RYR2: variants seen among roughly 807,000 people sequenced by gnomAD.
RYR2 encodes ryanodine receptor 2, also known as cardiac muscle ryanodine receptor-calcium release channel.
Under a neutral mutation model 601.1 loss-of-function variants are expected in RYR2, and 227 were observed. That is an observed-to-expected ratio of 0.38 (90% CI 0.34 to 0.42). The LOEUF (loss-of-function observed/expected upper bound fraction) is 0.42, where lower values mean the gene tolerates loss of function less well. Among genes scored for constraint, RYR2 ranks in the 10% least tolerant of loss-of-function variants. The pLI, the probability that RYR2 is intolerant of heterozygous loss-of-function variation, is 1.00. For missense variants in RYR2, 4,646 were observed against 6,156.5 expected, an observed-to-expected ratio of 0.75 and a Z score of 8.21; for synonymous variants, 2,223 against 2,175.1, an observed-to-expected ratio of 1.02 and a Z score of -0.61.
chr1:237,603,685 CA>C, intron 35 of RYR2, among the ~76,000 whole-genome samples: 2 of 152,292 alleles, frequency 1.3e-5, no homozygotes, highest in East Asian at 3.9e-4. Flanking sequence ...AGACCCATCT[CA>C]TGTGCAGAGA....
At chr1:237,101,730 C>T (rs985649985) in intron 1 of RYR2, among the ~76,000 whole-genome samples, 3 of 152,166 alleles carry the variant, frequency 2.0e-5, no homozygotes, top group South Asian at 4.1e-4. Context: ...GCAACCTCAT[C>T]GTTAGGAGAG....
Position 237,610,276 on chromosome 1 carries a change from T to G in RYR2, c.4684-486T>G, listed in dbSNP as rs184530128. Among the ~76,000 whole-genome samples, 270 of 152,336 alleles carry G rather than the reference T, an allele frequency of 1.8e-3. No individual in the cohort carries two copies. Among genetic ancestry groups the G allele is most frequent in the Middle Eastern group, 3.4e-3 (1 of 294 alleles). Reference sequence around the variant, plus strand: ...TTCTTATTCGGTAGTCAGGTTTATCTGTTGAGCTTTATCTGGAATACTTCT... The same window carrying G: ...TTCTTATTCGGTAGTCAGGTTTATCGGTTGAGCTTTATCTGGAATACTTCT... On this transcript the variant is annotated intron_variant, in intron 35 of 104. Coordinates refer to ENST00000366574, the MANE Select transcript of RYR2 (RefSeq NM_001035.3). The surrounding 1 kb of genome is among the most constrained non-coding windows in gnomAD (Gnocchi z 4.9).
chr1:237,283,279 T>G (rs1382422169), intron 2 of RYR2, among the ~76,000 whole-genome samples: 1 of 152,178 alleles, frequency 6.6e-6, no homozygotes, highest in African/African-American at 2.4e-5. Context: ...TGCTTTCTAT[T>G]TCCTTCTCTT....
chr1:237,624,104 A>C (rs1679393378), intron 39 of RYR2, among the ~76,000 whole-genome samples: 1 of 152,036 alleles, frequency 6.6e-6, no homozygotes, highest in Non-Finnish European at 1.5e-5. Context: ...AGATGACCAA[A>C]ATTCTTTCTC....
intron 6 of RYR2, among the ~76,000 whole-genome samples, chr1:237,370,836 A>G (rs938575443): frequency 1.3e-5 from 2 of 151,748 alleles, no homozygotes. Context: ...AATTTTTTGT[A>G]TTTTTAATAG....
Position 237,341,675 on chromosome 1 carries a change from C to G in RYR2, c.273+10693C>G, listed in dbSNP as rs199814211. 535 of 514,982 alleles carry G rather than the reference C, an allele frequency of 1.0e-3. 2 individuals carry two copies. In the Middle Eastern group the frequency reaches 0.016, roughly 16 times the overall value. The allele number at this position is 514,982 out of a possible 1,614,324, so 31.9% of individuals were successfully genotyped here. Reference sequence around the variant, plus strand: ...AGGAAATATTTGCTGACTGGAGGGACTGCAAGATGGAATTTATAGACCAAA... The same window carrying G: ...AGGAAATATTTGCTGACTGGAGGGAGTGCAAGATGGAATTTATAGACCAAA... On this transcript the variant is annotated intron_variant, in intron 3 of 104. Transcript: ENST00000366574.
At chr1:237,123,697 G>A (rs1671077958) in intron 1 of RYR2, among the ~76,000 whole-genome samples, 1 of 114,058 alleles carries the variant, frequency 8.8e-6, no homozygotes, top group Non-Finnish European at 1.6e-5. Context: ...GTCTCGCTCT[G>A]TCGCCCAGGC....
intron 1 of RYR2, among the ~76,000 whole-genome samples, chr1:237,242,135 C>T (rs1380778946): frequency 6.6e-6 from 1 of 152,106 alleles, no homozygotes; most frequent in Non-Finnish European, 1.5e-5. Context: ...CTGCTAGATA[C>T]ACTATAGTGA....
intron 15 of RYR2, among the ~76,000 whole-genome samples, chr1:237,454,786 A>G (rs766622732): frequency 8.5e-5 from 13 of 152,182 alleles, no homozygotes; most frequent in Non-Finnish European, 1.6e-4. Context: ...TAAAAACATG[A>G]ATCTTTTCAT....
chr1:237,802,455 A>T (rs989492518), intron 98 of RYR2: 4 of 152,188 alleles, frequency 2.6e-5, no homozygotes, highest in African/African-American at 9.7e-5. Flanking sequence ...TGACTTTTAT[A>T]GTTCACGTTA....
intron 1 of RYR2, among the ~76,000 whole-genome samples, chr1:237,123,346 G>A (rs1375866922): frequency 6.6e-6 from 1 of 152,120 alleles, no homozygotes; most frequent in African/African-American, 2.4e-5. Context: ...CAGCACTTTG[G>A]GAGGCCAAGG....
At chr1:237,318,528 CTTTG>C (rs1288730709) in intron 2 of RYR2, among the ~76,000 whole-genome samples, 1 of 152,082 alleles carries the variant, frequency 6.6e-6, no homozygotes, top group Non-Finnish European at 1.5e-5. Flanking sequence ...AATTCTCAGT[CTTTG>C]TTTATCTGCA....
At position 237,377,385 on chromosome 1, in the gene RYR2, C is replaced by T; in HGVS notation, c.526C>T (p.Arg176Ter). The T allele has an allele frequency of 1.9e-6, 3 of 1,613,512 alleles. No individual in the cohort carries two copies. The highest frequency in any genetic ancestry group is 1.7e-6 in the Non-Finnish European group (2 of 1,179,642). The part of the protein sequence containing the change: ...SKQRSEGEKV[R>*]VGDDLILVSV... Reference sequence around the variant, plus strand: ...GCAGCGATCAGAAGGAGAAAAAGTACGAGTTGGAGATGACCTCATCTTAGT... The same window carrying T: ...GCAGCGATCAGAAGGAGAAAAAGTATGAGTTGGAGATGACCTCATCTTAGT... The change falls in exon 8 of 105, where the codon CGA becomes TGA. Residue 176 changes from arginine to a stop codon, truncating the protein, a stop_gained. Transcript: ENST00000366574. LOFTEE classifies it high-confidence loss of function.
At chr1:237,158,616 G>A (rs1378278740) in intron 1 of RYR2, among the ~76,000 whole-genome samples, 1 of 152,084 alleles carries the variant, frequency 6.6e-6, no homozygotes, top group Non-Finnish European at 1.5e-5. Flanking sequence ...ATCTTCAGCT[G>A]TAGCATTTTG....
In RYR2 at chr1:237,500,915, T is replaced by A. The variant is rs876657576; in HGVS notation, c.2396+12T>A. 6.2e-6 allele frequency: 10 copies of A among 1,612,824 alleles called. No individual in the cohort carries two copies. Among genetic ancestry groups the A allele is most frequent in the Middle Eastern group, 1.6e-4 (1 of 6,082 alleles). ...TCTGCAGGAATAAAGTTAGTATGTCTATGTTTTTTGGTCTCTTTCCTTTCT... is the reference window on the plus strand; with the variant it reads ...TCTGCAGGAATAAAGTTAGTATGTCAATGTTTTTTGGTCTCTTTCCTTTCT... On this transcript the variant is annotated intron_variant, in intron 21 of 104. Transcript: ENST00000366574.
intron 1 of RYR2, among the ~76,000 whole-genome samples, chr1:237,099,479 C>T (rs1161439832): frequency 3.9e-5 from 6 of 152,130 alleles, no homozygotes; most frequent in African/African-American, 7.2e-5. Context: ...CCCAAGCGAT[C>T]CTCCCACCTT....
chr1:237,397,015 A>G (rs370140774), intron 10 of RYR2, among the ~76,000 whole-genome samples: 1 of 152,206 alleles, frequency 6.6e-6, no homozygotes, highest in African/African-American at 2.4e-5. Context: ...CTGTAATCCC[A>G]TCACTTTGAG....
chr1:237,733,339 A>C, intron 78 of RYR2, among the ~76,000 whole-genome samples: 1 of 152,142 alleles, frequency 6.6e-6, no homozygotes, highest in Admixed American at 6.6e-5. Context: ...CTTTCCATCA[A>C]ATGTCAAATT....
intron 73 of RYR2, 93 bp from the exon 74 acceptor site, chr1:237,723,035 A>G: frequency 1.8e-6 from 2 of 1,133,208 alleles, no homozygotes; most frequent in Non-Finnish European, 2.5e-6. Flanking sequence ...AAAGCCCAAT[A>G]AATAATGATG....
Sources: gnomAD v4.1 joint callset for allele counts (sites outside exome capture counted in the v4.1 genomes callset) on GRCh38, gnomAD v4.1.1 for gene constraint, Gnocchi (gnomAD v3.1) non-coding constraint, MANE v1.5 for transcripts, NCBI Gene and HGNC (gene_info 2026-07-23, HGNC 2026-07-21) for gene names.